FCHO2: variants seen among roughly 807,000 people sequenced by gnomAD.
FCHO2 encodes F-BAR domain only protein 2.
Under a neutral mutation model 114.1 loss-of-function variants are expected in FCHO2, and 43 were observed. The observed-to-expected ratio is 0.38, with a 90% CI of 0.30 to 0.49. FCHO2 has a LOEUF of 0.49. Ranked by LOEUF, FCHO2 falls within the 20% of genes least tolerant of loss-of-function variation. FCHO2 has a pLI of 0.97. For synonymous variants in FCHO2, 293 were observed against 315.2 expected, an observed-to-expected ratio of 0.93 and a Z score of 0.75; for missense variants, 807 against 950.4, an observed-to-expected ratio of 0.85 and a Z score of 1.98.
chr5:73,050,894 A>AGT (rs1189562524), intron 11 of FCHO2, among the ~76,000 whole-genome samples: 1 of 152,082 alleles, frequency 6.6e-6, no homozygotes, highest in Non-Finnish European at 1.5e-5. Flanking sequence ...AGATAGTTTT[A>AGT]CTAGTTCACC....
At chr5:73,034,839 A>T in intron 9 of FCHO2, 138 bp downstream of exon 9, 1 of 568,126 alleles carries the variant, frequency 1.8e-6, no homozygotes. Context: ...ATCTGAAATT[A>T]GTTTGAAGGC....
chr5:73,066,230 C>T (rs747138125), intron 18 of FCHO2, among the ~76,000 whole-genome samples: 1 of 152,018 alleles, frequency 6.6e-6, no homozygotes, highest in Non-Finnish European at 1.5e-5. Context: ...CCTTGAGAGC[C>T]TTCTAGAAAC....
intron 17 of FCHO2, 89 bp downstream of exon 17, chr5:73,058,613 T>G (rs533296780): frequency 7.6e-5 from 41 of 542,454 alleles, no homozygotes; most frequent in African/African-American, 7.3e-4. Flanking sequence ...TTGTACTTAA[T>G]GATCAAAATT....
intron 24 of FCHO2, among the ~76,000 whole-genome samples, chr5:73,086,115 C>G (rs1389231351): frequency 6.6e-6 from 1 of 151,054 alleles, no homozygotes; most frequent in Admixed American, 6.6e-5. Context: ...GAGTGAGAGA[C>G]TCTGTCTCAA....
chr5:72,959,893 C>T (rs1751760195), intron 1 of FCHO2, among the ~76,000 whole-genome samples: 1 of 152,292 alleles, frequency 6.6e-6, no homozygotes, highest in East Asian at 1.9e-4. Context: ...GATCCTCCCA[C>T]CTCAGCCTTC....
At chr5:73,072,603 A>G (rs1332709721) in intron 19 of FCHO2, among the ~76,000 whole-genome samples, 1 of 152,090 alleles carries the variant, frequency 6.6e-6, no homozygotes, top group East Asian at 1.9e-4. Flanking sequence ...ACATGCTATG[A>G]TAACATGGAT....
At chr5:72,972,210 T>C (rs1468104391) in intron 2 of FCHO2, among the ~76,000 whole-genome samples, 1 of 151,916 alleles carries the variant, frequency 6.6e-6, no homozygotes, top group Non-Finnish European at 1.5e-5. Context: ...ATATGAACTT[T>C]AAAGTAGTTT....
intron 2 of FCHO2, among the ~76,000 whole-genome samples, chr5:72,975,531 G>A (rs546728093): frequency 4.6e-5 from 7 of 151,940 alleles, no homozygotes; most frequent in Non-Finnish European, 7.4e-5. Flanking sequence ...ACAGAGTCTC[G>A]CTCTGTTACC....
chr5:73,062,334 A>C (rs1471802160), intron 17 of FCHO2, among the ~76,000 whole-genome samples: 1 of 152,126 alleles, frequency 6.6e-6, no homozygotes, highest in Non-Finnish European at 1.5e-5. Flanking sequence ...TAATACTTCT[A>C]CCAGGCTTGG....
At chr5:73,064,646 A>C (rs1209233391) in intron 18 of FCHO2, among the ~76,000 whole-genome samples, 3 of 152,020 alleles carry the variant, frequency 2.0e-5, no homozygotes, top group Non-Finnish European at 4.4e-5. Context: ...AATGTACAAG[A>C]GTCTTTATAA....
chr5:73,041,056 G>A (rs146179927), intron 10 of FCHO2, among the ~76,000 whole-genome samples: 3 of 152,154 alleles, frequency 2.0e-5, no homozygotes, highest in African/African-American at 7.2e-5. Flanking sequence ...TAGAAAAAAA[G>A]GAATACTTGT....
chr5:73,029,831 T>C (rs1380608872), intron 8 of FCHO2, among the ~76,000 whole-genome samples: 1 of 152,136 alleles, frequency 6.6e-6, no homozygotes, highest in African/African-American at 2.4e-5. Flanking sequence ...AAGGGGATGA[T>C]GCTAAGCCAT....
At chr5:73,047,485 T>G (rs1258769524) in intron 11 of FCHO2, among the ~76,000 whole-genome samples, 1 of 152,128 alleles carries the variant, frequency 6.6e-6, no homozygotes, top group Non-Finnish European at 1.5e-5. Context: ...CTATATATGT[T>G]CTTTACTACT....
At chr5:73,018,232 A>G (rs1354509422) in intron 8 of FCHO2, among the ~76,000 whole-genome samples, 1 of 152,110 alleles carries the variant, frequency 6.6e-6, no homozygotes, top group Non-Finnish European at 1.5e-5. Flanking sequence ...TAAATTTTTA[A>G]TCTTACTGAT....
At position 73,044,050 on chromosome 5, in the gene FCHO2, G is replaced by C. The variant is rs1756938005; in HGVS notation, c.939+2735G>C. Reference sequence around the variant, plus strand: ...GTAAGTGAGTTCTCACTTGTTGTTTGAAAGTGTGTAGCATCTCCCCCTTCA... The same window carrying C: ...GTAAGTGAGTTCTCACTTGTTGTTTCAAAGTGTGTAGCATCTCCCCCTTCA... On this transcript the variant is annotated intron_variant, in intron 11 of 25. Transcript: ENST00000430046. Among the ~76,000 whole-genome samples the C allele has an allele frequency of 2.0e-5, 3 of 152,244 alleles. No individual in the cohort carries two copies. The South Asian group carries it at 6.2e-4, about 32-fold the overall frequency.
intron 8 of FCHO2, among the ~76,000 whole-genome samples, chr5:73,023,823 G>C (rs1755768905): frequency 6.6e-6 from 1 of 151,994 alleles, no homozygotes; most frequent in Admixed American, 6.6e-5. Context: ...TGAAAGTTTT[G>C]TCAGTTCTTA....
intron 16 of FCHO2, among the ~76,000 whole-genome samples, chr5:73,056,320 A>G (rs1000858089): frequency 7.2e-5 from 11 of 152,176 alleles, no homozygotes; most frequent in African/African-American, 2.7e-4. Flanking sequence ...AATCACCTAA[A>G]GTCCACAGTT....
chr5:73,056,628 C>T (rs1355932265), intron 16 of FCHO2, among the ~76,000 whole-genome samples: 1 of 151,944 alleles, frequency 6.6e-6, no homozygotes, highest in African/African-American at 2.4e-5. Flanking sequence ...TGTCCTTTTA[C>T]AATAAAAAAA....
chr5:73,012,155 G>A (rs1404333320), intron 6 of FCHO2, among the ~76,000 whole-genome samples: 3 of 152,120 alleles, frequency 2.0e-5, no homozygotes, highest in African/African-American at 7.2e-5. Context: ...AGGTTTGTTT[G>A]TATCAGCATC....
Sources: allele counts gnomAD v4.1 joint callset (sites outside exome capture counted in the v4.1 genomes callset), GRCh38; gene constraint gnomAD v4.1.1; transcripts MANE v1.5; gene names NCBI Gene and HGNC (gene_info 2026-07-23, HGNC 2026-07-21).